Variants in ADAMTS9 observed in about 807,000 individuals in gnomAD.
ADAMTS9 encodes the protein ADAM metallopeptidase with thrombospondin type 1 motif 9, also known as A disintegrin and metalloproteinase with thrombospondin motifs 9.
In ADAMTS9, 107 loss-of-function variants were observed where a neutral mutation model predicts 257.1. That is an observed-to-expected ratio of 0.42 (90% CI 0.36 to 0.49). ADAMTS9 has a LOEUF of 0.49. ADAMTS9 is among the 20% of genes least tolerant of loss of function. The probability of loss-of-function intolerance (pLI) is 0.03; values close to 1 mark genes in which losing one functional copy is unlikely to be tolerated. For synonymous variants in ADAMTS9, 982 were observed against 880.9 expected, an observed-to-expected ratio of 1.11 and a Z score of -2.03; for missense variants, 2,353 against 2,469.1, an observed-to-expected ratio of 0.95 and a Z score of 1.00.
At chr3:64,548,916 C>T (rs964938270) in intron 31 of ADAMTS9, among the ~76,000 whole-genome samples, 2 of 152,264 alleles carry the variant, frequency 1.3e-5, no homozygotes, top group Non-Finnish European at 2.9e-5. Flanking sequence ...CTGTACACTT[C>T]AGGCCCTGCT....
chr3:64,555,073 T>G (rs1203753133), intron 30 of ADAMTS9, among the ~76,000 whole-genome samples: 1 of 152,226 alleles, frequency 6.6e-6, no homozygotes, highest in East Asian at 1.9e-4. Flanking sequence ...TCTCCATGGA[T>G]GAAAGACCTT....
intron 28 of ADAMTS9, among the ~76,000 whole-genome samples, chr3:64,591,261 G>A (rs764657575): frequency 2.0e-5 from 3 of 152,044 alleles, no homozygotes; most frequent in East Asian, 1.9e-4. Flanking sequence ...CCAACATGGC[G>A]AAACCCCGTC....
intron 31 of ADAMTS9, 98 bp from the exon 32 acceptor site, chr3:64,547,050 A>G (rs1174417256): frequency 4.1e-5 from 44 of 1,085,638 alleles, no homozygotes; most frequent in Non-Finnish European, 1.3e-6. Context: ...CCGTGTGACT[A>G]TGCTGCAGAA....
chr3:64,679,361 T>C (rs976100809), intron 3 of ADAMTS9, among the ~76,000 whole-genome samples: 2 of 152,134 alleles, frequency 1.3e-5, no homozygotes, highest in African/African-American at 4.8e-5. Context: ...GGGTCATCAT[T>C]GTGGACTAGC....
chr3:64,517,672 G>A (rs1475685212), intron 39 of ADAMTS9, among the ~76,000 whole-genome samples: 1 of 151,450 alleles, frequency 6.6e-6, no homozygotes, highest in Non-Finnish European at 1.5e-5. Context: ...TGAGATAACT[G>A]CTCTTCATAT....
rs374798678 is a variant in ADAMTS9, at chr3:64,585,674, T to C, written c.4356+8584A>G. On this transcript the variant is annotated intron_variant, in intron 28 of 39. Coordinates refer to ENST00000498707, the MANE Select transcript of ADAMTS9 (RefSeq NM_182920.2). ...TGTAAAGTCACCTGACTGGCTCTAA[T>C]AAAATCTATCATCCTGACTATCTAT... Among the ~76,000 whole-genome samples, 175 of 152,278 alleles carry C rather than the reference T, an allele frequency of 1.1e-3. 5 individuals are homozygous for C. The South Asian group carries it at 0.034, about 30-fold the overall frequency.
intron 31 of ADAMTS9, chr3:64,550,637 T>G: frequency 2.1e-6 from 1 of 468,266 alleles, no homozygotes; most frequent in Non-Finnish European, 3.8e-6. Context: ...TTTATGCCAA[T>G]AGGACATCAA....
At chr3:64,641,777 CA>C in intron 12 of ADAMTS9, 70 bp downstream of exon 12, 1 of 1,582,202 alleles carries the variant, frequency 6.3e-7, no homozygotes, top group Non-Finnish European at 8.6e-7. Context: ...CTTCACCCAC[CA>C]AATTATTCCC....
intron 12 of ADAMTS9, among the ~76,000 whole-genome samples, chr3:64,639,293 G>GTTTTTT (rs753448050): frequency 1.2e-4 from 7 of 56,946 alleles, no homozygotes; most frequent in African/African-American, 3.5e-4. Context: ...TAGGTGGATT[G>GTTTTTT]TTTTTTTTTT....
At chr3:64,664,709 A>C (rs1313255830) in intron 3 of ADAMTS9, among the ~76,000 whole-genome samples, 1 of 152,226 alleles carries the variant, frequency 6.6e-6, no homozygotes, top group Non-Finnish European at 1.5e-5. Context: ...AACCCAACTG[A>C]ATAAGAACAT....
intron 3 of ADAMTS9, among the ~76,000 whole-genome samples, chr3:64,675,556 C>T (rs1005058972): frequency 1.3e-5 from 2 of 152,170 alleles, no homozygotes; most frequent in South Asian, 4.2e-4. Flanking sequence ...GAATTGAAGG[C>T]TATAGTAAGC....
At chr3:64,546,703 A>G in intron 32 of ADAMTS9, 55 bp downstream of exon 32, 1 of 1,517,382 alleles carries the variant, frequency 6.6e-7, no homozygotes, top group Non-Finnish European at 8.9e-7. Flanking sequence ...GACATGTTTA[A>G]GACGGGGTTG....
rs1159186740 is a variant in ADAMTS9, at chr3:64,686,650, G to T, written c.434C>A (p.Ala145Glu). The T allele has an allele frequency of 9.3e-6, 15 of 1,614,030 alleles. No individual in the cohort carries two copies. Among genetic ancestry groups the T allele is most frequent in the Non-Finnish European group, 1.2e-5 (14 of 1,180,034 alleles). Reference sequence around the variant, plus strand: ...TTTGTAGAAACAGTGCTTGAGTTCCGCTTCCTCTTCGGAATAAAACTTGGT... The same window carrying T: ...TTTGTAGAAACAGTGCTTGAGTTCCTCTTCCTCTTCGGAATAAAACTTGGT... ...NQTKFYSEEE[A>E]ELKHCFYKGY... Residue 145 changes from alanine (A) to glutamate (E), a missense_variant, in exon 2 of 40, where the codon GCG becomes GAG. Around this residue, in one of 3 missense-constraint regions of ADAMTS9, gnomAD observed 591 missense variants for 569.6 expected, o/e 1.04. Coordinates refer to ENST00000498707, the MANE Select transcript of ADAMTS9 (RefSeq NM_182920.2). The surrounding 1 kb of genome is among the most constrained non-coding windows in gnomAD (Gnocchi z 4.6).
Position 64,657,331 on chromosome 3 carries a change from G to C in ADAMTS9, c.969+1171C>G, listed in dbSNP as rs9860530. Among the ~76,000 whole-genome samples the C allele has an allele frequency of 2.2e-3, 332 of 152,158 alleles. 1 individual carries two copies. The highest frequency in any genetic ancestry group is 7.6e-3 in the African/African-American group (317 of 41,534). On this transcript the variant is annotated intron_variant, in intron 4 of 39. Coordinates refer to ENST00000498707, the MANE Select transcript of ADAMTS9 (RefSeq NM_182920.2). ...CATATTGCTAAAATTAATTTTACCT[G>C]TTTATATTTTACTTTTTCTTTTTGA...
intron 9 of ADAMTS9, 163 bp from the exon 10 acceptor site, chr3:64,649,941 G>A: frequency 2.2e-6 from 2 of 913,984 alleles, no homozygotes; most frequent in South Asian, 4.2e-5. Context: ...AGATGCTGAA[G>A]TTACATTTTT....
rs1242227619 is a variant in ADAMTS9, at chr3:64,594,415, C to T, written c.4199G>A (p.Gly1400Glu). 2.5e-6 allele frequency: 4 copies of T among 1,614,010 alleles called. No homozygotes were observed. Among genetic ancestry groups the T allele is most frequent in the Middle Eastern group, 1.7e-4 (1 of 6,056 alleles). The change falls in exon 28 of 40, where the codon GGA becomes GAA. Residue 1400 changes from glycine to glutamate, a missense_variant. Physicochemically the swap from Gly to Glu is moderately conservative, Grantham distance 98. Transcript: ENST00000498707. ...NWGECTKLCG[G>E]GIRTRLVVCQ... The stretch of plus-strand genomic sequence containing the variant: ...GACCACCAGTCTTGTTCTTATGCCT[C>T]CACCACACAGCTTAGTGCACTGGAA...
At chr3:64,568,708 T>A in intron 28 of ADAMTS9, 173 bp from the exon 29 acceptor site, 1 of 708,044 alleles carries the variant, frequency 1.4e-6, no homozygotes, top group Non-Finnish European at 2.2e-6. Context: ...AAGGTGGCAT[T>A]GAAAAAAAAA....
intron 37 of ADAMTS9, 96 bp from the exon 38 acceptor site, chr3:64,533,366 G>A (rs2083007289): frequency 1.1e-6 from 1 of 949,694 alleles, no homozygotes; most frequent in Non-Finnish European, 1.7e-6. Context: ...CTTTGGAAAA[G>A]AGAAGGATGT....
intron 3 of ADAMTS9, 93 bp downstream of exon 3, chr3:64,681,108 A>G: frequency 1.4e-6 from 2 of 1,412,352 alleles, no homozygotes; most frequent in Admixed American, 2.3e-5. Context: ...ATATGGTTGC[A>G]CTTTGTAGAC....
Sources: gnomAD v4.1 joint callset for allele counts (sites outside exome capture counted in the v4.1 genomes callset) on GRCh38, gnomAD v4.1.1 for gene constraint, gnomAD v4.1.1 regional missense constraint, Gnocchi (gnomAD v3.1) non-coding constraint, MANE v1.5 for transcripts, NCBI Gene and HGNC (gene_info 2026-07-23, HGNC 2026-07-21) for gene names.